ZC3H8: variants seen among roughly 807,000 people sequenced by gnomAD.
ZC3H8 encodes the protein zinc finger CCCH domain-containing protein 8.
ZC3H8 carries 27 observed loss-of-function variants against 42.5 expected under a neutral mutation model. The observed-to-expected ratio is 0.64, with a 90% CI of 0.47 to 0.88. The LOEUF is 0.88. Among genes scored for constraint, ZC3H8 ranks in the 40% least tolerant of loss-of-function variants. ZC3H8 has a pLI of 0.00. For synonymous variants in ZC3H8, 101 were observed against 110.1 expected (o/e 0.92, Z 0.52); for missense variants, 277 against 336.1 (o/e 0.82, Z 1.37).
In ZC3H8 at chr2:112,254,937, G is replaced by A. The variant is rs1456518619; in HGVS notation, c.45C>T (p.Leu15=). 4 of 1,613,316 alleles carry A rather than the reference G, an allele frequency of 2.5e-6. No homozygotes were observed. Among genetic ancestry groups the A allele is most frequent in the Non-Finnish European group, 3.4e-6 (4 of 1,179,642 alleles). The part of the protein sequence containing the change: ...NLFSKPPNPA[L]GKTATDSDER... ...CGTCAGAGTCCGTGGCCGTTTTGCC[G>A]AGGGCCGGGTTGGGGGGTTTTGAGA... The change falls in exon 1 of 9, where the codon CTC becomes CTT. Residue 15 remains leucine (L), a synonymous_variant. Coordinates refer to ENST00000409573, the MANE Select transcript of ZC3H8 (RefSeq NM_032494.3).
intron 8 of ZC3H8, among the ~76,000 whole-genome samples, chr2:112,228,286 G>A (rs1490927457): frequency 2.0e-5 from 3 of 152,150 alleles, no homozygotes; most frequent in African/African-American, 7.2e-5. Context: ...CAGATCACCT[G>A]AGGTCAGGAG....
chr2:112,236,823 G>A (rs1019398335), intron 3 of ZC3H8, 128 bp from the exon 4 acceptor site: 2 of 875,136 alleles, frequency 2.3e-6, no homozygotes, highest in Non-Finnish European at 3.4e-6. Flanking sequence ...GAGGCAGGAG[G>A]ACTGCTCAAA....
intron 8 of ZC3H8, among the ~76,000 whole-genome samples, chr2:112,222,182 G>A (rs191999922): frequency 1.4e-3 from 215 of 152,244 alleles, no homozygotes; most frequent in Admixed American, 3.5e-3. Flanking sequence ...TTTGTTGAGT[G>A]TTCTTGTCCA....
intron 1 of ZC3H8, among the ~76,000 whole-genome samples, chr2:112,253,614 C>T (rs977155879): frequency 6.6e-6 from 1 of 152,180 alleles, no homozygotes; most frequent in African/African-American, 2.4e-5. Context: ...ATGGACAGCT[C>T]ACCATACTTC....
rs1573918598 is a variant in ZC3H8, at chr2:112,241,785, G to C, written c.157-3257C>G. Among the ~76,000 whole-genome samples, 3 of 152,272 alleles carry C rather than the reference G, an allele frequency of 2.0e-5. No individual in the cohort carries two copies. In the East Asian group the frequency reaches 5.8e-4, roughly 29 times the overall value. ...CTGCTCTGCTAGGTCTTAATATTCA[G>C]TGTATTAATAAAGAACATATTACTC... On this transcript the variant is annotated intron_variant, in intron 2 of 8. Coordinates refer to ENST00000409573, the MANE Select transcript of ZC3H8 (RefSeq NM_032494.3).
intron 8 of ZC3H8, among the ~76,000 whole-genome samples, chr2:112,220,463 A>T (rs189181158): frequency 6.6e-6 from 1 of 152,270 alleles, no homozygotes; most frequent in East Asian, 1.9e-4. Flanking sequence ...AGAATGCTGA[A>T]TATAGGCCTC....
At chr2:112,254,752 A>G in intron 1 of ZC3H8, 156 bp downstream of exon 1, 1 of 814,380 alleles carries the variant, frequency 1.2e-6, no homozygotes, top group Non-Finnish European at 1.9e-6. Flanking sequence ...CGACCTCTAT[A>G]GGTCAGACGG....
chr2:112,220,549 C>T (rs914916552), intron 8 of ZC3H8, among the ~76,000 whole-genome samples: 18 of 152,224 alleles, frequency 1.2e-4, no homozygotes, highest in East Asian at 5.8e-4. Context: ...GGGCTGGGCG[C>T]GGTGGCTCAC....
chr2:112,231,776 C>T, intron 7 of ZC3H8, 62 bp downstream of exon 7: 2 of 1,032,258 alleles, frequency 1.9e-6, no homozygotes, highest in Non-Finnish European at 1.4e-6. Context: ...AAATTCTCAT[C>T]CTTAGTTCAA....
rs748708885 is a variant in ZC3H8, at chr2:112,236,710, T to G, written c.371-15A>C. On this transcript the variant is annotated splice_polypyrimidine_tract_variant and intron_variant, in intron 3 of 8. Transcript: ENST00000409573. ...TTGTTTAGCAGCTAAAAACAAAAAA[T>G]TAATTTAAAAAATGACATAAAGTTA... 6.3e-7 allele frequency: 1 copy of G among 1,586,296 alleles called. No individual in the cohort carries two copies. The highest frequency in any genetic ancestry group is 2.3e-5 in the East Asian group (1 of 44,110).
chr2:112,224,174 T>A (rs926156354), intron 8 of ZC3H8, among the ~76,000 whole-genome samples: 3 of 152,220 alleles, frequency 2.0e-5, no homozygotes, highest in Admixed American at 6.5e-5. Context: ...ATAATATTAA[T>A]GATATTTGAA....
chr2:112,221,655 C>A (rs1358627626), intron 8 of ZC3H8, among the ~76,000 whole-genome samples: 1 of 152,050 alleles, frequency 6.6e-6, no homozygotes, highest in Non-Finnish European at 1.5e-5. Flanking sequence ...GTTGATTCTG[C>A]TGATAAGACT....
chr2:112,224,818 AAGG>A (rs1231053208), intron 8 of ZC3H8, among the ~76,000 whole-genome samples: 4 of 152,198 alleles, frequency 2.6e-5, no homozygotes, highest in African/African-American at 4.8e-5. Flanking sequence ...GGTCTGAGAG[AAGG>A]AGAAGAATGA....
chr2:112,238,586 C>T, intron 2 of ZC3H8, 58 bp from the exon 3 acceptor site: 1 of 1,428,554 alleles, frequency 7.0e-7, no homozygotes, highest in Non-Finnish European at 9.5e-7. Flanking sequence ...AACAATCTGG[C>T]TATACAGAAG....
In ZC3H8 at chr2:112,230,884, T is replaced by C. The variant is rs1293223985; in HGVS notation, c.*15+19A>G. ...TGTTCAGACAAGAAAAAAAGAAATG[T>C]GGTAAATTCTAATTTTACCTTTTTA... On this transcript the variant is annotated intron_variant, in intron 8 of 8. Coordinates refer to ENST00000409573, the MANE Select transcript of ZC3H8 (RefSeq NM_032494.3). 4 of 1,295,530 alleles carry C rather than the reference T, an allele frequency of 3.1e-6. No homozygotes were observed. Among genetic ancestry groups the C allele is most frequent in the Admixed American group, 3.4e-5 (1 of 29,230 alleles). The allele number at this position is 1,295,530 out of a possible 1,614,324, so 80.3% of individuals were successfully genotyped here.
chr2:112,240,168 CTG>C, intron 2 of ZC3H8, among the ~76,000 whole-genome samples: 1 of 152,212 alleles, frequency 6.6e-6, no homozygotes, highest in East Asian at 1.9e-4. Context: ...AACTTCTGGA[CTG>C]ATAGATCAGG....
Position 112,236,549 on chromosome 2 carries a change from T to C in ZC3H8, c.504+13A>G. On this transcript the variant is annotated intron_variant, in intron 4 of 8. Coordinates refer to ENST00000409573, the MANE Select transcript of ZC3H8 (RefSeq NM_032494.3). Reference sequence around the variant, plus strand: ...CAGGGGTCAGGTATTCCTAGAAGCATATATTCCAATACCTCTTCCTGTGAG... The same window carrying C: ...CAGGGGTCAGGTATTCCTAGAAGCACATATTCCAATACCTCTTCCTGTGAG... The C allele has an allele frequency of 6.2e-7, 1 of 1,610,740 alleles. No homozygotes were observed.
At chr2:112,250,452 T>C (rs1451817140) in intron 1 of ZC3H8, among the ~76,000 whole-genome samples, 180 bp from the exon 2 acceptor site, 1 of 152,212 alleles carries the variant, frequency 6.6e-6, no homozygotes, top group Non-Finnish European at 1.5e-5. Flanking sequence ...TAAATGTCCA[T>C]ATATATTTAT....
At chr2:112,253,061 A>T (rs1489985279) in intron 1 of ZC3H8, among the ~76,000 whole-genome samples, 1 of 151,818 alleles carries the variant, frequency 6.6e-6, no homozygotes, top group African/African-American at 2.4e-5. Context: ...GTGAACCCGG[A>T]AGGCAGAGCT....
Sources: allele counts gnomAD v4.1 joint callset (sites outside exome capture counted in the v4.1 genomes callset), GRCh38; gene constraint gnomAD v4.1.1; transcripts MANE v1.5; gene names NCBI Gene and HGNC (gene_info 2026-07-23, HGNC 2026-07-21).